FBXO42: variants seen among roughly 807,000 people sequenced by gnomAD.
The protein encoded by FBXO42 is F-box only protein 42.
In FBXO42, 12 loss-of-function variants were observed where a neutral mutation model predicts 71.7. That is an observed-to-expected ratio of 0.17 (90% CI 0.11 to 0.27). FBXO42 has a LOEUF of 0.27. FBXO42 is among the 10% of genes least tolerant of loss of function. FBXO42 has a pLI of 1.00. For synonymous variants in FBXO42, 325 were observed against 327.5 expected (o/e 0.99, Z 0.08); for missense variants, 707 against 911.9 (o/e 0.78, Z 2.89).
rs1271331840 is a variant in FBXO42 at position 16,252,917 on chromosome 1, C to T, written c.921+179G>A. ...ATCTATGATTAAAAGGATCCCCCCA[C>T]AACCCTAAAAAAAAGCAGAAACAAA... On this transcript the variant is annotated intron_variant, in intron 8 of 9. Coordinates refer to ENST00000375592, the MANE Select transcript of FBXO42 (RefSeq NM_018994.3). The surrounding 1 kb of genome is among the most constrained non-coding windows in gnomAD (Gnocchi z 4.4). Among the ~76,000 whole-genome samples, 1 of 151,980 alleles carries T rather than the reference C, an allele frequency of 6.6e-6. No individual in the cohort carries two copies. The highest frequency in any genetic ancestry group is 1.9e-4 in the East Asian group (1 of 5,188).
At chr1:16,277,893 T>G (rs1338931044) in intron 4 of FBXO42, among the ~76,000 whole-genome samples, 1 of 149,486 alleles carries the variant, frequency 6.7e-6, no homozygotes, top group Non-Finnish European at 1.5e-5. Context: ...ATTTAAAAAA[T>G]TAGCTGGGCT....
At chr1:16,306,186 TA>T (rs1163530542) in intron 2 of FBXO42, among the ~76,000 whole-genome samples, 3 of 152,096 alleles carry the variant, frequency 2.0e-5, no homozygotes, top group African/African-American at 7.2e-5. Context: ...CATGCCCAGC[TA>T]ATTTTATTTT....
At chr1:16,260,038 A>T (rs970857428) in intron 4 of FBXO42, among the ~76,000 whole-genome samples, 8 of 152,156 alleles carry the variant, frequency 5.3e-5, no homozygotes, top group Non-Finnish European at 1.5e-5. Context: ...AAAAGGTTTT[A>T]ACTTTGTCAA....
chr1:16,326,701 G>GA (rs770559555), intron 1 of FBXO42, among the ~76,000 whole-genome samples: 2 of 140,612 alleles, frequency 1.4e-5, no homozygotes, highest in African/African-American at 5.2e-5. Flanking sequence ...AAAAAAAAAA[G>GA]AAAAAAATTA....
intron 4 of FBXO42, among the ~76,000 whole-genome samples, chr1:16,275,208 C>T (rs1349788848): frequency 6.6e-6 from 1 of 152,126 alleles, no homozygotes; most frequent in Non-Finnish European, 1.5e-5. Context: ...AAAAGGGACA[C>T]AACATAAAAG....
At chr1:16,336,943 C>T (rs1557606711) in intron 1 of FBXO42, among the ~76,000 whole-genome samples, 1 of 152,110 alleles carries the variant, frequency 6.6e-6, no homozygotes, top group Non-Finnish European at 1.5e-5. Flanking sequence ...AGAGATCATG[C>T]CATTGCACTC....
intron 3 of FBXO42, among the ~76,000 whole-genome samples, chr1:16,296,940 C>CCCCCGGT (rs2082136891): frequency 6.9e-6 from 1 of 144,042 alleles, no homozygotes; most frequent in Non-Finnish European, 1.5e-5. Context: ...CCCCACCCCC[C>CCCCCGGT]GCTTTTTGTT....
intron 1 of FBXO42, among the ~76,000 whole-genome samples, chr1:16,334,418 CA>C (rs757658037): frequency 0.18 from 9,432 of 52,672 alleles, 113 homozygotes; most frequent in African/African-American, 0.22. Flanking sequence ...GACTCCGCCT[CA>C]AAAAAAAAAA....
chr1:16,312,949 C>T (rs1271455886), intron 2 of FBXO42, among the ~76,000 whole-genome samples: 1 of 151,972 alleles, frequency 6.6e-6, no homozygotes, highest in African/African-American at 2.4e-5. Context: ...CACCCACCAC[C>T]ATGCCTCACT....
chr1:16,257,260 AG>A (rs2081656892), intron 4 of FBXO42, among the ~76,000 whole-genome samples: 1 of 152,198 alleles, frequency 6.6e-6, no homozygotes, highest in Non-Finnish European at 1.5e-5. Flanking sequence ...TACAAAACAC[AG>A]GTAAGAAAAG....
chr1:16,301,197 C>A (rs888662483), intron 3 of FBXO42, among the ~76,000 whole-genome samples: 2 of 151,844 alleles, frequency 1.3e-5, no homozygotes, highest in African/African-American at 4.8e-5. Context: ...CTGCACCTGG[C>A]CCTAGAATTG....
At position 16,251,276 on chromosome 1, in the gene FBXO42, A is replaced by G. The variant is rs1323820825; in HGVS notation, c.1548T>C (p.Asp516=). ...LKPASSSNPM[D]GMDNRTVGGS... ...CCCCAACTGTCCTATTGTCCATGCC[A>G]TCCATGGGATTACTACTGGAAGCGG... The change falls in exon 10 of 10, where the codon GAT becomes GAC. Residue 516 remains aspartate, a synonymous_variant. Coordinates refer to ENST00000375592, the MANE Select transcript of FBXO42 (RefSeq NM_018994.3). This position sits in a 1 kb window ranked among gnomAD's most constrained non-coding sequence, Gnocchi z 4.5. The G allele has an allele frequency of 1.2e-6, 2 of 1,614,234 alleles. No individual in the cohort carries two copies. Among genetic ancestry groups the G allele is most frequent in the South Asian group, 1.1e-5 (1 of 91,088 alleles).
intron 3 of FBXO42, among the ~76,000 whole-genome samples, chr1:16,303,375 C>G (rs964062206): frequency 6.6e-6 from 1 of 152,184 alleles, no homozygotes; most frequent in Admixed American, 6.5e-5. Flanking sequence ...CTGCAGGATG[C>G]TGCACATCCC....
intron 4 of FBXO42, among the ~76,000 whole-genome samples, chr1:16,276,568 G>A (rs2081905947): frequency 6.6e-6 from 1 of 152,120 alleles, no homozygotes. Context: ...AAATGACTCA[G>A]GGATAGTATC....
At chr1:16,341,234 A>G (rs558378188) in intron 1 of FBXO42, among the ~76,000 whole-genome samples, 32 of 152,342 alleles carry the variant, frequency 2.1e-4, no homozygotes, top group African/African-American at 7.2e-4. Context: ...ACCAAAACCA[A>G]ATAAATATTA....
chr1:16,272,043 T>C (rs2081851641), intron 4 of FBXO42, among the ~76,000 whole-genome samples: 1 of 146,530 alleles, frequency 6.8e-6, no homozygotes, highest in Admixed American at 6.9e-5. Context: ...TAGTCCCAGC[T>C]ACTCGAGAGG....
chr1:16,341,207 C>T (rs931198247), intron 1 of FBXO42, among the ~76,000 whole-genome samples: 1 of 152,042 alleles, frequency 6.6e-6, no homozygotes, highest in Non-Finnish European at 1.5e-5. Context: ...TTGCAAAATC[C>T]AACATTTAAA....
intron 1 of FBXO42, among the ~76,000 whole-genome samples, chr1:16,342,599 G>A (rs12135674): frequency 0.18 from 25,822 of 142,244 alleles, 2,616 homozygotes; most frequent in Non-Finnish European, 0.23. Flanking sequence ...AAAAAAAAAA[G>A]TTATAGTAAT....
At chr1:16,253,587 GA>G in intron 7 of FBXO42, 47 bp downstream of exon 7, 1 of 1,577,682 alleles carries the variant, frequency 6.3e-7, no homozygotes, top group African/African-American at 1.3e-5. Flanking sequence ...CGTCCTAACT[GA>G]AAGACGCTAC....
Sources: gnomAD v4.1 joint callset for allele counts (sites outside exome capture counted in the v4.1 genomes callset) on GRCh38, gnomAD v4.1.1 for gene constraint, Gnocchi (gnomAD v3.1) non-coding constraint, MANE v1.5 for transcripts, NCBI Gene and HGNC (gene_info 2026-07-23, HGNC 2026-07-21) for gene names.